TRIM27: variants seen among roughly 807,000 people sequenced by gnomAD.
TRIM27 encodes zinc finger protein RFP.
A neutral mutation model predicts 57.6 loss-of-function variants in TRIM27; 12 were observed. The observed-to-expected ratio is 0.21, with a 90% CI of 0.13 to 0.34. The LOEUF (loss-of-function observed/expected upper bound fraction) is 0.34. Among genes scored for constraint, TRIM27 ranks in the 10% least tolerant of loss-of-function variants. The pLI is 1.00. For missense variants in TRIM27, 403 were observed against 656.8 expected (o/e 0.61, Z 4.22); for synonymous variants, 266 against 259.0 (o/e 1.03, Z -0.26).
At chr6:28,922,976 A>C (rs1774160935) in intron 1 of TRIM27, among the ~76,000 whole-genome samples, 1 of 152,166 alleles carries the variant, frequency 6.6e-6, no homozygotes, top group Non-Finnish European at 1.5e-5. Context: ...GAGACAGGTA[A>C]CATGGGGGTA....
intron 3 of TRIM27, chr6:28,915,331 A>G (rs984666935): frequency 1.3e-5 from 2 of 149,244 alleles, no homozygotes; most frequent in African/African-American, 4.9e-5. Flanking sequence ...GCTTTAGACC[A>G]GGCGCAGTAG....
chr6:28,913,255 C>CAA (rs66466461), intron 3 of TRIM27, among the ~76,000 whole-genome samples: 1,411 of 105,332 alleles, frequency 0.013, 12 homozygotes, highest in Non-Finnish European at 0.02. Flanking sequence ...AACTCCATCT[C>CAA]AAAAAAAAAA....
At chr6:28,920,827 G>T (rs1447248225) in intron 2 of TRIM27, among the ~76,000 whole-genome samples, 1 of 152,142 alleles carries the variant, frequency 6.6e-6, no homozygotes, top group African/African-American at 2.4e-5. Context: ...GACAGGGTCA[G>T]ATATGTGCCC....
intron 6 of TRIM27, chr6:28,907,981 G>A (rs1487891132): frequency 5.7e-6 from 1 of 175,946 alleles, no homozygotes; most frequent in African/African-American, 2.4e-5. Context: ...GATTGTGGGG[G>A]TTTGTAATTT....
chr6:28,923,074 G>A (rs1581522533), intron 1 of TRIM27, 139 bp downstream of exon 1: 3 of 1,032,336 alleles, frequency 2.9e-6, no homozygotes, highest in South Asian at 3.4e-5. Flanking sequence ...TGAGGCTCTG[G>A]AGCGGACAGA....
chr6:28,911,316 T>C (rs1326080573), intron 4 of TRIM27: 2 of 178,178 alleles, frequency 1.1e-5, no homozygotes, highest in African/African-American at 2.5e-5. Context: ...ACACCTTTCT[T>C]AGGCTTTATT....
At position 28,904,771 on chromosome 6, in the gene TRIM27, G is replaced by T; in HGVS notation, c.947-106C>A. On this transcript the variant is annotated intron_variant, in intron 7 of 7. Transcript: ENST00000377199. This position sits in a 1 kb window ranked among gnomAD's most constrained non-coding sequence, Gnocchi z 6.1. ...CCAATAATAAGAGGTTCCCACTGGA[G>T]GTTGCACGTATTTTATTTAGAATAT... 1 of 730,518 alleles carries T rather than the reference G, an allele frequency of 1.4e-6. No individual in the cohort carries two copies. The highest frequency in any genetic ancestry group is 2.2e-6 in the Non-Finnish European group (1 of 457,824). The allele number at this position is 730,518 out of a possible 1,614,324, so 45.3% of individuals were successfully genotyped here. A position where few individuals can be genotyped will look rare whatever the true frequency, so the allele number is the denominator to read the frequency against.
rs1442455069 is a variant in TRIM27 at position 28,913,261 on chromosome 6, A to G, written c.748-1543T>C. ...CAAGAGTGAAACTCCATCTCAAAAA[A>G]AAAAAAAAATATATATATATATATA... On this transcript the variant is annotated intron_variant, in intron 3 of 7. Transcript: ENST00000377199. Among the ~76,000 whole-genome samples, 43 of 137,974 alleles carry G rather than the reference A, an allele frequency of 3.1e-4. 1 individual carries two copies. Among genetic ancestry groups the G allele is most frequent in the African/African-American group, 1.2e-3 (41 of 34,048 alleles). The allele number at this position is 137,974 out of a possible 152,430, so 90.5% of individuals were successfully genotyped here.
chr6:28,919,973 T>C, intron 3 of TRIM27, 39 bp downstream of exon 3: 1 of 1,572,394 alleles, frequency 6.4e-7, no homozygotes, highest in South Asian at 1.2e-5. Context: ...GACGATATTT[T>C]CAGTGGGTGC....
At chr6:28,909,130 A>G (rs1772989865) in intron 4 of TRIM27, 42 bp from the exon 5 acceptor site, 1 of 1,412,330 alleles carries the variant, frequency 7.1e-7, no homozygotes. Context: ...TTTTTTTGAG[A>G]TGGAGTTTCG....
intron 3 of TRIM27, among the ~76,000 whole-genome samples, chr6:28,918,533 A>G (rs1581512616): frequency 2.6e-5 from 4 of 152,290 alleles, no homozygotes; most frequent in African/African-American, 9.6e-5. Context: ...TCAAAAATAA[A>G]AAAAGAAAAA....
chr6:28,909,170 C>T, intron 4 of TRIM27, 82 bp from the exon 5 acceptor site: 1 of 939,710 alleles, frequency 1.1e-6, no homozygotes, highest in Non-Finnish European at 1.6e-6. Flanking sequence ...TGCAATGGCG[C>T]CATCTCGGCC....
chr6:28,917,556 C>T (rs1209833988), intron 3 of TRIM27, among the ~76,000 whole-genome samples: 3 of 145,802 alleles, frequency 2.1e-5, no homozygotes, highest in Non-Finnish European at 3.0e-5. Context: ...CCAGCCTGGG[C>T]AACAGAGCAA....
At chr6:28,905,039 AG>A (rs1186444515) in intron 7 of TRIM27, 1 of 221,480 alleles carries the variant, frequency 4.5e-6, no homozygotes, top group Non-Finnish European at 9.0e-6. Flanking sequence ...AAGACACCCA[AG>A]TAGCTGGGAC....
chr6:28,910,599 G>A (rs1278875626), intron 4 of TRIM27, among the ~76,000 whole-genome samples: 2 of 152,020 alleles, frequency 1.3e-5, no homozygotes, highest in Non-Finnish European at 2.9e-5. Flanking sequence ...CAAAATGCTG[G>A]GATTACAGGT....
In TRIM27 at chr6:28,904,798, T is replaced by A. The variant is rs923003747; in HGVS notation, c.947-133A>T. On this transcript the variant is annotated intron_variant, in intron 7 of 7. Coordinates refer to ENST00000377199, the MANE Select transcript of TRIM27 (RefSeq NM_006510.5). This position sits in a 1 kb window ranked among gnomAD's most constrained non-coding sequence, Gnocchi z 6.1. ...TTGCACGTATTTTATTTAGAATATA[T>A]TCTAAACTTCACATTTCAAAAATTA... 2 of 636,580 alleles carry A rather than the reference T, an allele frequency of 3.1e-6. No individual in the cohort carries two copies. The highest frequency in any genetic ancestry group is 3.7e-5 in the African/African-American group (2 of 54,736). The allele number at this position is 636,580 out of a possible 1,614,324, so 39.4% of individuals were successfully genotyped here. A position where few individuals can be genotyped will look rare whatever the true frequency, so the allele number is the denominator to read the frequency against.
At chr6:28,915,953 A>G (rs1255046754) in intron 3 of TRIM27, among the ~76,000 whole-genome samples, 1 of 152,066 alleles carries the variant, frequency 6.6e-6, no homozygotes, top group African/African-American at 2.4e-5. Flanking sequence ...GTCTCATTCT[A>G]TTGCGTAGGC....
At chr6:28,918,492 A>C (rs1298261534) in intron 3 of TRIM27, among the ~76,000 whole-genome samples, 1 of 152,180 alleles carries the variant, frequency 6.6e-6, no homozygotes, top group Non-Finnish European at 1.5e-5. Context: ...CAACTGCATT[A>C]CTATGCTGTC....
chr6:28,911,617 G>T, intron 4 of TRIM27, 79 bp downstream of exon 4: 2 of 1,435,134 alleles, frequency 1.4e-6, no homozygotes, highest in Middle Eastern at 1.8e-4. Context: ...CAGGCTCAGG[G>T]CTCCTTTCAG....
Sources: allele counts gnomAD v4.1 joint callset (sites outside exome capture counted in the v4.1 genomes callset), GRCh38; gene constraint gnomAD v4.1.1; non-coding constraint Gnocchi (gnomAD v3.1); transcripts MANE v1.5; gene names NCBI Gene and HGNC (gene_info 2026-07-23, HGNC 2026-07-21).